Variants in FTCD observed in about 807,000 individuals in gnomAD.
The protein encoded by FTCD is formimidoyltransferase-cyclodeaminase.
In FTCD, 76 loss-of-function variants were observed where a neutral mutation model predicts 62.9. The observed-to-expected ratio is 1.21, with a 90% confidence interval of 1.00 to 1.46. The LOEUF (loss-of-function observed/expected upper bound fraction) is 1.46. Ranked by LOEUF, FTCD falls within the 40% of genes most tolerant of loss-of-function variation. The pLI is 0.00. For missense variants in FTCD, 845 were observed against 751.3 expected, an observed-to-expected ratio of 1.12 and a Z score of -1.46; for synonymous variants, 397 against 336.9, an observed-to-expected ratio of 1.18 and a Z score of -1.95.
chr21:46,151,469 C>CA (rs34248722), intron 5 of FTCD, 89 bp downstream of exon 5: 1,221,121 of 1,221,142 alleles, frequency 1, 610,550 homozygotes, highest in Middle Eastern at 1. Flanking sequence ...GTGCCCCATC[C>CA]CCACCGACCT....
chr21:46,136,786 C>G lies in FTCD; in HGVS notation c.*201G>C. 6.6e-7 allele frequency: 1 copy of G among 1,521,012 alleles called. No individual in the cohort carries two copies. The highest frequency in any genetic ancestry group is 8.8e-7 in the Non-Finnish European group (1 of 1,131,644). 94.2% of individuals were successfully genotyped at this position (1,521,012 alleles called of 1,614,324 possible). On this transcript the variant is annotated 3_prime_UTR_variant, in exon 14 of 14. Transcript: ENST00000397746. Reference sequence around the variant, plus strand: ...GCCAACACACAACACAGGTTTGGTGCCAAAACTTTACTGGAGGTCACATGG... The same window carrying G: ...GCCAACACACAACACAGGTTTGGTGGCAAAACTTTACTGGAGGTCACATGG...
In FTCD at chr21:46,151,666, C is replaced by G. The variant is rs369544540; in HGVS notation, c.528G>C (p.Thr176=). 3 of 1,612,898 alleles carry G rather than the reference C, an allele frequency of 1.9e-6. No homozygotes were observed. The highest frequency in any genetic ancestry group is 1.3e-5 in the African/African-American group (1 of 74,936). Residue 176 remains threonine, a synonymous_variant, in exon 5 of 14, where the codon ACG becomes ACC. Transcript: ENST00000397746. ...AAGCAATGAGGAACTTCCTCGCCCC[C>G]GTGGCCGTGGCCCCCCAACTGGGGA... The part of the protein sequence containing the change: ...SFVPSWGATA[T]GARKFLIAFN...
In FTCD at chr21:46,155,463, G is replaced by A. The variant is rs2079405503; in HGVS notation, c.54+7C>T. 6.2e-7 allele frequency: 1 copy of A among 1,610,816 alleles called. No homozygotes were observed. The highest frequency in any genetic ancestry group is 8.5e-7 in the Non-Finnish European group (1 of 1,178,036). ...CCTAGATGCTTGACCAGCTCCTCGG[G>A]CCTCACCTCCTGGTTCTTCCCCTCC... On this transcript the variant is annotated splice_region_variant and intron_variant, in intron 1 of 13. Coordinates refer to ENST00000397746, the MANE Select transcript of FTCD (RefSeq NM_206965.2).
chr21:46,155,058 T>G (rs1448285640), intron 1 of FTCD, among the ~76,000 whole-genome samples: 2 of 152,186 alleles, frequency 1.3e-5, no homozygotes, highest in African/African-American at 4.8e-5. Context: ...CTCAGCAAGC[T>G]AACTCCAGTG....
intron 10 of FTCD, among the ~76,000 whole-genome samples, chr21:46,139,646 G>C (rs539134793): frequency 6.6e-6 from 1 of 152,358 alleles, no homozygotes; most frequent in South Asian, 2.1e-4. Context: ...CCATGGATGA[G>C]AGCAAATGCT....
rs2079339613 is a variant in FTCD, at chr21:46,153,074, TG to T, written c.239-40del. 3.9e-6 allele frequency: 6 copies of T among 1,530,612 alleles called. No individual in the cohort carries two copies. The East Asian group carries it at 1.5e-4, about 38-fold the overall frequency. 94.8% of individuals were successfully genotyped at this position (1,530,612 alleles called of 1,614,324 possible). On this transcript the variant is annotated intron_variant, in intron 2 of 13. Transcript: ENST00000397746. ...GCGAGGCCGGGCAGGAGGCCAGGTG[TG>T]GGAGCGGGTGGGAGCTCCACGGGGT...
rs1365487221 is a variant in FTCD, at chr21:46,151,463, C to T, written c.636+95G>A. The T allele has an allele frequency of 3.0e-6, 3 of 993,496 alleles. No homozygotes were observed. The African/African-American group carries it at 1.2e-4, about 40-fold the overall frequency. The allele number at this position is 993,496 out of a possible 1,614,324, so 61.5% of individuals were successfully genotyped here. A position where few individuals can be genotyped will look rare whatever the true frequency, so the allele number is the denominator to read the frequency against. ...AGGCCGAACCCTGTCCGGCCGGTGC[C>T]CCATCCCCACCGACCTCCCCGCCTG... On this transcript the variant is annotated intron_variant, in intron 5 of 13. Coordinates refer to ENST00000397746, the MANE Select transcript of FTCD (RefSeq NM_206965.2).
chr21:46,145,846 C>A lies in FTCD; in HGVS notation c.1070G>T (p.Gly357Val). ...GGCCGCAGCGGCCGCCGCCACCGAG[C>A]CGCCCCCGGGGGCCGCAGAGCGGGC... ...VGARSAAPGGGSVAAAAAAMG... is the reference protein window; with the variant it reads ...VGARSAAPGGVSVAAAAAAMG... Residue 357 changes from glycine to valine, a missense_variant, in exon 9 of 14, where the codon GGC becomes GTC. Physicochemically the swap from Gly to Val is moderately radical, Grantham distance 109 (BLOSUM62 -3). Transcript: ENST00000397746. 1 of 1,394,318 alleles carries A rather than the reference C, an allele frequency of 7.2e-7. No individual in the cohort carries two copies. The highest frequency in any genetic ancestry group is 1.5e-5 in the South Asian group (1 of 68,238). 86.4% of individuals were successfully genotyped at this position (1,394,318 alleles called of 1,614,324 possible). A position where few individuals can be genotyped will look rare whatever the true frequency, so the allele number is the denominator to read the frequency against.
At chr21:46,143,368 C>T (rs896448281) in intron 10 of FTCD, among the ~76,000 whole-genome samples, 2 of 151,670 alleles carry the variant, frequency 1.3e-5, no homozygotes, top group African/African-American at 4.9e-5. Flanking sequence ...CCCTACCCCC[C>T]CTCCCCATCT....
downstream of FTCD, chr21:46,136,515 G>C (rs2078870411): frequency 6.2e-7 from 1 of 1,611,790 alleles, no homozygotes; most frequent in South Asian, 1.1e-5. Context: ...CACAGAACCA[G>C]GGCCCCTTTC....
intron 1 of FTCD, among the ~76,000 whole-genome samples, chr21:46,154,963 C>T (rs893065910): frequency 6.6e-5 from 10 of 152,212 alleles, no homozygotes; most frequent in African/African-American, 9.6e-5. Context: ...CTGTGGAAGG[C>T]GAGAGGCCGG....
At chr21:46,151,276 G>A (rs989997971) in intron 5 of FTCD, among the ~76,000 whole-genome samples, 2 of 152,222 alleles carry the variant, frequency 1.3e-5, no homozygotes, top group African/African-American at 2.4e-5. Context: ...TTTCCCAGCA[G>A]TATGGAAATG....
chr21:46,148,687 A>G (rs2079202984), intron 7 of FTCD, among the ~76,000 whole-genome samples: 1 of 152,256 alleles, frequency 6.6e-6, no homozygotes, highest in Non-Finnish European at 1.5e-5. Context: ...ACATCAGACT[A>G]GTCCCCACTG....
intron 3 of FTCD, 77 bp from the exon 4 acceptor site, chr21:46,152,057 GGCTCCCTCC>G: frequency 9.6e-7 from 1 of 1,043,938 alleles, no homozygotes; most frequent in Non-Finnish European, 1.4e-6. Flanking sequence ...CAGGTGGAGG[GGCTCCCTCC>G]AGCCTAACCC....
intron 12 of FTCD, among the ~76,000 whole-genome samples, chr21:46,138,260 A>G (rs1199973240): frequency 6.6e-6 from 1 of 152,184 alleles, no homozygotes; most frequent in Non-Finnish European, 1.5e-5. Flanking sequence ...ATACACTTAT[A>G]CAGTGGTCAG....
intron 10 of FTCD, among the ~76,000 whole-genome samples, chr21:46,140,781 G>A (rs992488361): frequency 1.3e-5 from 2 of 149,508 alleles, no homozygotes; most frequent in Non-Finnish European, 3.0e-5. Context: ...CCTTCACGTG[G>A]CTCACAGGGA....
chr21:46,136,742 C>CA (rs2078874997), downstream of FTCD: 1 of 1,485,592 alleles, frequency 6.7e-7, no homozygotes, highest in Non-Finnish European at 9.0e-7. Flanking sequence ...GCTCAGCTCT[C>CA]AGCCCTGCCC....
Position 46,151,684 on chromosome 21 carries a change from A to C in FTCD, c.510T>G (p.Ser170Arg), listed in dbSNP as rs200490424. 1.2e-6 allele frequency: 2 copies of C among 1,612,974 alleles called. No homozygotes were observed. The highest frequency in any genetic ancestry group is 8.5e-7 in the Non-Finnish European group (1 of 1,179,952). ...PDFGPSSFVP[S>R]WGATATGARK... The stretch of plus-strand genomic sequence containing the variant: ...TCGCCCCCGTGGCCGTGGCCCCCCA[A>C]CTGGGGACAAAGGAGCTGGGACCAA... Residue 170 changes from serine to arginine, a missense_variant, in exon 5 of 14, where the codon AGT becomes AGG. Coordinates refer to ENST00000397746, the MANE Select transcript of FTCD (RefSeq NM_206965.2).
intron 10 of FTCD, among the ~76,000 whole-genome samples, chr21:46,142,906 T>C (rs1205073661): frequency 6.6e-6 from 1 of 152,214 alleles, no homozygotes; most frequent in Non-Finnish European, 1.5e-5. Context: ...TACAATACTT[T>C]AGCTAGACAG....
Sources: gnomAD v4.1 joint callset for allele counts (sites outside exome capture counted in the v4.1 genomes callset) on GRCh38, gnomAD v4.1.1 for gene constraint, MANE v1.5 for transcripts, NCBI Gene and HGNC (gene_info 2026-07-23, HGNC 2026-07-21) for gene names.